Variants in EDEM3 observed in about 807,000 individuals in gnomAD.
EDEM3 encodes ER degradation-enhancing alpha-mannosidase-like protein 3.
In EDEM3, 60 loss-of-function variants were observed where a neutral mutation model predicts 110.2. That is an observed-to-expected ratio of 0.54 (90% CI 0.44 to 0.67). The LOEUF (loss-of-function observed/expected upper bound fraction) is 0.67. Ranked by LOEUF, EDEM3 falls within the 30% of genes least tolerant of loss-of-function variation. The pLI is 0.00. For synonymous variants in EDEM3, 352 were observed against 382.9 expected, an observed-to-expected ratio of 0.92 and a Z score of 0.94; for missense variants, 996 against 1,121.0, an observed-to-expected ratio of 0.89 and a Z score of 1.59.
At position 184,726,189 on chromosome 1, in the gene EDEM3, C is replaced by T. The variant is rs1285381236; in HGVS notation, c.747+66G>A. 5.2e-6 allele frequency: 8 copies of T among 1,525,428 alleles called. No homozygotes were observed. The Admixed American group carries it at 1.4e-4, about 26-fold the overall frequency. The allele number at this position is 1,525,428 out of a possible 1,614,324, so 94.5% of individuals were successfully genotyped here. A position where few individuals can be genotyped will look rare whatever the true frequency, so the allele number is the denominator to read the frequency against. On this transcript the variant is annotated intron_variant, in intron 7 of 19. Transcript: ENST00000318130. ...CCAACTAATAATCCTAATATTTAAC[C>T]AATGAAGAAGATATAAAGGTAGTTA...
chr1:184,707,623 ATTAG>A (rs1317162249), intron 17 of EDEM3, among the ~76,000 whole-genome samples: 2 of 152,206 alleles, frequency 1.3e-5, no homozygotes, highest in African/African-American at 4.8e-5. Context: ...TCTGCAATCA[ATTAG>A]TTAGATAACT....
At chr1:184,752,980 T>C (rs1012800987) in intron 1 of EDEM3, among the ~76,000 whole-genome samples, 4 of 152,222 alleles carry the variant, frequency 2.6e-5, no homozygotes, top group Non-Finnish European at 5.9e-5. Context: ...TAAATTCATA[T>C]GAGAGAAAAT....
chr1:184,748,698 A>G (rs1652583251), intron 2 of EDEM3, among the ~76,000 whole-genome samples: 1 of 152,204 alleles, frequency 6.6e-6, no homozygotes, highest in African/African-American at 2.4e-5. Flanking sequence ...TTCATAGATA[A>G]CAATGATGTT....
chr1:184,749,444 T>A, intron 2 of EDEM3, 103 bp downstream of exon 2: 1 of 949,766 alleles, frequency 1.1e-6, no homozygotes, highest in Non-Finnish European at 1.5e-6. Flanking sequence ...AACTTCCTTT[T>A]AAAAAATGTA....
chr1:184,710,944 A>C (rs1316780414), intron 15 of EDEM3, among the ~76,000 whole-genome samples: 1 of 152,234 alleles, frequency 6.6e-6, no homozygotes, highest in Non-Finnish European at 1.5e-5. Context: ...ATAATTTTTA[A>C]AAAGTCCTTG....
At position 184,694,278 on chromosome 1, in the gene EDEM3, C is replaced by T. The variant is rs774673502; in HGVS notation, c.2584G>A (p.Glu862Lys). The T allele has an allele frequency of 6.2e-6, 10 of 1,613,292 alleles. No homozygotes were observed. The highest frequency in any genetic ancestry group is 8.5e-6 in the Non-Finnish European group (10 of 1,179,590). ...TTTTCTGTGGGATTAGAAGTCTGTT[C>T]AGAAGGGGAAATGCTTGCAGCATTG... ...MDNAASISPS[E>K]QTSNPTENHE... Residue 862 changes from glutamate to lysine, a missense_variant, in exon 20 of 20, where the codon GAA becomes AAA. Glu to Lys is a moderately conservative substitution (Grantham distance 56, BLOSUM62 1). Coordinates refer to ENST00000318130, the MANE Select transcript of EDEM3 (RefSeq NM_025191.4).
rs1571333251 is a variant in EDEM3 at position 184,690,454 on chromosome 1, A to C, written c.*3609T>G. 6.5e-6 allele frequency: 1 copy of C among 152,736 alleles called. No individual in the cohort carries two copies. The highest frequency in any genetic ancestry group is 1.9e-4 in the East Asian group (1 of 5,186). 9.5% of individuals were successfully genotyped at this position (152,736 alleles called of 1,614,324 possible). The stretch of plus-strand genomic sequence containing the variant: ...AGAGTGATAAACATCAAGACATAAA[A>C]GTATGAGGATATGCACAGTGATTCT... On this transcript the variant is annotated 3_prime_UTR_variant, in exon 20 of 20. Transcript: ENST00000318130.
chr1:184,703,970 C>A (rs539888587), intron 18 of EDEM3, among the ~76,000 whole-genome samples: 1 of 152,182 alleles, frequency 6.6e-6, no homozygotes, highest in Non-Finnish European at 1.5e-5. Flanking sequence ...GAAAATGAAG[C>A]AGAATTGCAA....
chr1:184,711,379 C>A (rs903784217), intron 15 of EDEM3, among the ~76,000 whole-genome samples: 1 of 152,078 alleles, frequency 6.6e-6, no homozygotes, highest in Non-Finnish European at 1.5e-5. Flanking sequence ...AGATTACAGG[C>A]GTGAGCTATC....
intron 1 of EDEM3, among the ~76,000 whole-genome samples, chr1:184,753,159 C>T (rs1002674918): frequency 6.6e-6 from 1 of 152,052 alleles, no homozygotes; most frequent in South Asian, 2.1e-4. Flanking sequence ...TCCAGCCTAA[C>T]CCCATGAGAT....
chr1:184,694,478 T>A lies in EDEM3; in HGVS notation c.2390-6A>T, dbSNP rs767054613. On this transcript the variant is annotated splice_region_variant and splice_polypyrimidine_tract_variant and intron_variant, in intron 19 of 19. Transcript: ENST00000318130. ...TTCATTTTCCATTTCAGGATCTGTA[T>A]GAGAAAGAAACAAACCTCATGCTAC... 1.3e-6 allele frequency: 2 copies of A among 1,582,370 alleles called. No homozygotes were observed. The highest frequency in any genetic ancestry group is 2.3e-5 in the South Asian group (2 of 88,470).
At chr1:184,700,920 A>C (rs59862212) in intron 19 of EDEM3, among the ~76,000 whole-genome samples, 10,925 of 152,112 alleles carry the variant, frequency 0.072, 454 homozygotes, top group African/African-American at 0.12. Flanking sequence ...GGGGCTTTTC[A>C]ATACTTTTAT....
chr1:184,694,394 C>G lies in EDEM3; in HGVS notation c.2468G>C (p.Ser823Thr). The change falls in exon 20 of 20, where the codon AGT becomes ACT. Residue 823 changes from serine (S) to threonine (T), a missense_variant. Physicochemically the swap from Ser to Thr is moderately conservative, Grantham distance 58. Transcript: ENST00000318130. ...ATCAACCAAATCAACCTCCTGAGAA[C>G]TTGATGAAATCTGTTCACCACTCTG... is the stretch of plus-strand genomic sequence containing the variant. ...QNQSGEQISSSSQEVDLVDQE... is the reference protein window; with the variant it reads ...QNQSGEQISSTSQEVDLVDQE... The G allele has an allele frequency of 6.2e-7, 1 of 1,612,236 alleles. No homozygotes were observed. The highest frequency in any genetic ancestry group is 1.3e-5 in the African/African-American group (1 of 74,970).
chr1:184,720,818 AC>A (rs1404911901), intron 9 of EDEM3: 2 of 153,122 alleles, frequency 1.3e-5, no homozygotes, highest in Non-Finnish European at 1.5e-5. Context: ...TCCCAAAAAA[AC>A]ATGCTTGTGG....
chr1:184,707,671 T>C (rs924077942), intron 17 of EDEM3, among the ~76,000 whole-genome samples: 1 of 152,204 alleles, frequency 6.6e-6, no homozygotes, highest in Non-Finnish European at 1.5e-5. Context: ...GTCTTTGTTT[T>C]CTACGTTATA....
At chr1:184,726,594 T>C (rs1024992527) in intron 6 of EDEM3, among the ~76,000 whole-genome samples, 10 of 152,354 alleles carry the variant, frequency 6.6e-5, no homozygotes, top group African/African-American at 2.2e-4. Flanking sequence ...ATGAAGTAAG[T>C]AAGCTTTTAT....
intron 15 of EDEM3, among the ~76,000 whole-genome samples, 198 bp from the exon 16 acceptor site, chr1:184,710,745 A>T (rs1650181349): frequency 1.3e-5 from 2 of 152,224 alleles, no homozygotes; most frequent in South Asian, 4.1e-4. Flanking sequence ...TTTTCTAGTT[A>T]TAAAAGTTTG....
At chr1:184,696,402 AATT>A (rs1237791703) in intron 19 of EDEM3, among the ~76,000 whole-genome samples, 1 of 151,800 alleles carries the variant, frequency 6.6e-6, no homozygotes, top group Non-Finnish European at 1.5e-5. Flanking sequence ...CACATAATAA[AATT>A]ATTATGCTTT....
chr1:184,694,945 A>T (rs1185417693), intron 19 of EDEM3, among the ~76,000 whole-genome samples: 6 of 152,070 alleles, frequency 3.9e-5, no homozygotes. Context: ...AGTAAGTCAT[A>T]AAGAAGCAGA....
Sources: allele counts gnomAD v4.1 joint callset (sites outside exome capture counted in the v4.1 genomes callset), GRCh38; gene constraint gnomAD v4.1.1; transcripts MANE v1.5; gene names NCBI Gene and HGNC (gene_info 2026-07-23, HGNC 2026-07-21).